The following ABI3BP variants were observed in gnomAD, a reference collection of about 807,000 sequenced individuals.
ABI3BP encodes the protein ABI family member 3 binding protein.
A neutral mutation model predicts 268.6 loss-of-function variants in ABI3BP; 216 were observed. The ratio of observed to expected loss-of-function variants is 0.80; its 90% CI spans 0.72 to 0.90. ABI3BP has a LOEUF of 0.90. Ranked by LOEUF, ABI3BP falls within the 40% of genes least tolerant of loss-of-function variation. The probability of loss-of-function intolerance (pLI) is 0.00; values close to 1 mark genes in which losing one functional copy is unlikely to be tolerated. For missense variants in ABI3BP, 2,090 were observed against 2,182.4 expected (o/e 0.96, Z 0.84); for synonymous variants, 730 against 730.0 (o/e 1.00, Z 0.00).
At chr3:100,903,383 T>TA (rs771091184) in intron 2 of ABI3BP, among the ~76,000 whole-genome samples, 6 of 152,236 alleles carry the variant, frequency 3.9e-5, no homozygotes, top group Non-Finnish European at 4.4e-5. Flanking sequence ...ATTTATCAAA[T>TA]AATTTTTTAA....
chr3:100,838,463 G>A lies in ABI3BP; in HGVS notation c.1947C>T (p.Ala649=). ...TTTTAGGTCTCTCAGATGGTTTTGA[G>A]GCTAAAGAAAAAGGTATTAAAATTA... ...IQPEPLVPTT[A]SKPSERPKTT... Residue 649 remains alanine, a splice_region_variant and synonymous_variant, in exon 25 of 68, where the codon GCC becomes GCT. Transcript: ENST00000471714. 1.3e-6 allele frequency: 2 copies of A among 1,535,290 alleles called. No homozygotes were observed. Among genetic ancestry groups the A allele is most frequent in the Non-Finnish European group, 1.7e-6 (2 of 1,146,376 alleles).
intron 1 of ABI3BP, among the ~76,000 whole-genome samples, chr3:100,969,545 T>A (rs934981708): frequency 2.0e-5 from 3 of 152,082 alleles, no homozygotes; most frequent in Non-Finnish European, 2.9e-5. Flanking sequence ...TCACAAATAA[T>A]AAATGCTATA....
At position 100,765,916 on chromosome 3, in the gene ABI3BP, A is replaced by G. The variant is rs1318761777; in HGVS notation, c.4775T>C (p.Phe1592Ser). Residue 1592 changes from phenylalanine to serine, a missense_variant, in exon 63 of 68, where the codon TTC becomes TCC. Coordinates refer to ENST00000471714, the MANE Select transcript of ABI3BP (RefSeq NM_001375547.2). ...YEVISRENGS[F>S]SGKNKSIQMT... Reference sequence around the variant, plus strand: ...TTGAATGGACTTGTTCTTCCCACTGAATGACCCATTTTCTCTGGATATAAC... The same window carrying G: ...TTGAATGGACTTGTTCTTCCCACTGGATGACCCATTTTCTCTGGATATAAC... The G allele has an allele frequency of 9.3e-6, 15 of 1,612,880 alleles. No homozygotes were observed. Among genetic ancestry groups the G allele is most frequent in the Non-Finnish European group, 1.0e-5 (12 of 1,179,334 alleles).
chr3:100,775,123 T>C, intron 60 of ABI3BP, 84 bp downstream of exon 60: 3 of 1,502,234 alleles, frequency 2.0e-6, no homozygotes, highest in Non-Finnish European at 2.7e-6. Flanking sequence ...GACCTCAAAC[T>C]GAGACTCACC....
At position 100,750,474 on chromosome 3, in the gene ABI3BP, G is replaced by A; in HGVS notation, c.*21C>T. On this transcript the variant is annotated 3_prime_UTR_variant, in exon 68 of 68. Coordinates refer to ENST00000471714, the MANE Select transcript of ABI3BP (RefSeq NM_001375547.2). The stretch of plus-strand genomic sequence containing the variant: ...GATTTTTGTTTGCAATGATGAAACA[G>A]AAGGTAACTTTGTGCAGCATCTACC... 6.4e-7 allele frequency: 1 copy of A among 1,556,346 alleles called. No individual in the cohort carries two copies. The highest frequency in any genetic ancestry group is 8.8e-7 in the Non-Finnish European group (1 of 1,130,690).
At chr3:100,933,255 T>C (rs923699283) in intron 1 of ABI3BP, among the ~76,000 whole-genome samples, 26 of 151,800 alleles carry the variant, frequency 1.7e-4, no homozygotes. Flanking sequence ...TTAAAACAGA[T>C]CAGGTACCGT....
At chr3:100,780,262 G>T (rs917556791) in intron 57 of ABI3BP, 53 bp from the exon 58 acceptor site, 1 of 1,564,384 alleles carries the variant, frequency 6.4e-7, no homozygotes, top group Non-Finnish European at 8.8e-7. Context: ...ATGTTCCATG[G>T]AAACTTGGTA....
At position 100,902,696 on chromosome 3, in the gene ABI3BP, A is replaced by G. The variant is rs371680264; in HGVS notation, c.260-10T>C. On this transcript the variant is annotated splice_polypyrimidine_tract_variant and intron_variant, in intron 2 of 67. Coordinates refer to ENST00000471714, the MANE Select transcript of ABI3BP (RefSeq NM_001375547.2). ...TATTTCGGCTCTGCATCTGGAAGCA[A>G]TAACATTATTTATCAGAAAAACCCT... The G allele has an allele frequency of 6.2e-6, 10 of 1,612,876 alleles. No homozygotes were observed. The African/African-American group carries it at 1.2e-4, about 19-fold the overall frequency.
chr3:100,844,025 G>C, intron 20 of ABI3BP: 1 of 981,554 alleles, frequency 1.0e-6, no homozygotes, highest in Non-Finnish European at 1.2e-6. Context: ...CATAAAAACA[G>C]TAAGGTCTAT....
At chr3:100,864,611 G>T (rs532229263) in intron 11 of ABI3BP, 2 of 512,142 alleles carry the variant, frequency 3.9e-6, no homozygotes, top group Admixed American at 7.2e-5. Context: ...TTAGCATCCA[G>T]ATTTGCCCAG....
intron 1 of ABI3BP, among the ~76,000 whole-genome samples, chr3:100,961,959 T>C (rs1193976930): frequency 6.6e-6 from 1 of 152,168 alleles, no homozygotes; most frequent in East Asian, 1.9e-4. Context: ...TCTGGAGATA[T>C]CTCAACTGTG....
intron 3 of ABI3BP, among the ~76,000 whole-genome samples, chr3:100,901,750 A>G (rs2050493655): frequency 6.6e-6 from 1 of 151,746 alleles, no homozygotes; most frequent in Admixed American, 6.6e-5. Flanking sequence ...TGGGCCACAG[A>G]GCAAGACTCC....
chr3:100,977,739 G>C (rs1272179106), intron 1 of ABI3BP, among the ~76,000 whole-genome samples: 1 of 152,156 alleles, frequency 6.6e-6, no homozygotes, highest in Middle Eastern at 3.2e-3. Flanking sequence ...CAGTGTGCAA[G>C]GGGACTATAT....
chr3:100,795,223 C>G (rs754462), intron 53 of ABI3BP, among the ~76,000 whole-genome samples: 2 of 151,850 alleles, frequency 1.3e-5, no homozygotes, highest in Admixed American at 6.6e-5. Context: ...TGTTCTTGAA[C>G]CAATCCATCA....
At chr3:100,763,920 A>G (rs1290636612) in intron 63 of ABI3BP, among the ~76,000 whole-genome samples, 1 of 152,208 alleles carries the variant, frequency 6.6e-6, no homozygotes, top group Non-Finnish European at 1.5e-5. Flanking sequence ...CCAGAATGAA[A>G]ACACAAATGA....
intron 16 of ABI3BP, 109 bp from the exon 17 acceptor site, chr3:100,850,228 A>C: frequency 5.6e-5 from 51 of 915,660 alleles, no homozygotes; most frequent in Middle Eastern, 2.2e-4. Flanking sequence ...CGAGTACATG[A>C]TTAAAGATGA....
At chr3:100,878,991 C>A (rs2099196641) in intron 6 of ABI3BP, among the ~76,000 whole-genome samples, 2 of 152,154 alleles carry the variant, frequency 1.3e-5, no homozygotes, top group Admixed American at 1.3e-4. Context: ...ATTACCATAT[C>A]CACCTCCTCA....
At chr3:100,781,233 C>G (rs1220961490) in intron 57 of ABI3BP, among the ~76,000 whole-genome samples, 1 of 152,130 alleles carries the variant, frequency 6.6e-6, no homozygotes, top group Non-Finnish European at 1.5e-5. Context: ...TATACTTGAT[C>G]TCATTTAATG....
In ABI3BP at chr3:100,902,075, T is replaced by C. The variant is rs1005576499; in HGVS notation, c.328+543A>G. ...TGGAAGAAATCCTTCCTTTATTGAATTGAAGAGGTTAGAAGGGAGAGATAA... is the reference window on the plus strand; with the variant it reads ...TGGAAGAAATCCTTCCTTTATTGAACTGAAGAGGTTAGAAGGGAGAGATAA... On this transcript the variant is annotated intron_variant, in intron 3 of 67. Coordinates refer to ENST00000471714, the MANE Select transcript of ABI3BP (RefSeq NM_001375547.2). Among the ~76,000 whole-genome samples the C allele has an allele frequency of 5.9e-5, 9 of 152,328 alleles. No individual in the cohort carries two copies. The East Asian group carries it at 1.7e-3, about 29-fold the overall frequency.
Sources: gnomAD v4.1 joint callset for allele counts (sites outside exome capture counted in the v4.1 genomes callset) on GRCh38, gnomAD v4.1.1 for gene constraint, MANE v1.5 for transcripts, NCBI Gene and HGNC (gene_info 2026-07-23, HGNC 2026-07-21) for gene names.